The following NDUFS1 variants were observed in gnomAD, a reference collection of about 807,000 sequenced individuals.
The protein encoded by NDUFS1 is NADH-ubiquinone oxidoreductase 75 kDa subunit, mitochondrial.
A neutral mutation model predicts 84.4 loss-of-function variants in NDUFS1; 61 were observed. That is an observed-to-expected ratio of 0.72 (90% confidence interval 0.59 to 0.89). The LOEUF (loss-of-function observed/expected upper bound fraction) is 0.89, where lower values mean the gene tolerates loss of function less well. Ranked by LOEUF, NDUFS1 falls within the 40% of genes least tolerant of loss-of-function variation. The pLI is 0.00. For synonymous variants in NDUFS1, 275 were observed against 290.0 expected, an observed-to-expected ratio of 0.95 and a Z score of 0.53; for missense variants, 891 against 890.0, an observed-to-expected ratio of 1.00 and a Z score of -0.01.
chr2:206,147,676 G>A lies in NDUFS1; in HGVS notation c.421-15C>T, dbSNP rs1692211531. On this transcript the variant is annotated splice_polypyrimidine_tract_variant and intron_variant, in intron 6 of 18. Transcript: ENST00000233190. Reference sequence around the variant, plus strand: ...ATGGACTGGTCCTTAAGTAGATTATGAAAGAGTCAATCTCATGCTGCTAAT... The same window carrying A: ...ATGGACTGGTCCTTAAGTAGATTATAAAAGAGTCAATCTCATGCTGCTAAT... 3 of 1,613,920 alleles carry A rather than the reference G, an allele frequency of 1.9e-6. No homozygotes were observed. The highest frequency in any genetic ancestry group is 1.3e-5 in the African/African-American group (1 of 74,880).
intron 1 of NDUFS1, among the ~76,000 whole-genome samples, chr2:206,158,775 G>A (rs963255057): frequency 1.4e-4 from 21 of 152,188 alleles, no homozygotes; most frequent in African/African-American, 4.8e-5. Context: ...TTTGTTATTT[G>A]CAATGCAATC....
intron 7 of NDUFS1, 93 bp downstream of exon 7, chr2:206,147,438 G>C: frequency 7.7e-7 from 1 of 1,294,090 alleles, no homozygotes; most frequent in East Asian, 2.5e-5. Context: ...CCCAAAAAAA[G>C]TAGCCATTCT....
intron 1 of NDUFS1, among the ~76,000 whole-genome samples, chr2:206,156,171 G>C (rs1003716151): frequency 7.3e-5 from 11 of 150,616 alleles, no homozygotes; most frequent in Non-Finnish European, 1.6e-4. Flanking sequence ...GCTGAGGCAG[G>C]AGAATGGCGT....
At chr2:206,143,328 T>G (rs1182958099) in intron 10 of NDUFS1, among the ~76,000 whole-genome samples, 1 of 152,204 alleles carries the variant, frequency 6.6e-6, no homozygotes, top group African/African-American at 2.4e-5. Context: ...AGGTGTTATG[T>G]GGGGCCACAG....
chr2:206,144,037 A>G lies in NDUFS1; in HGVS notation c.968T>C (p.Leu323Pro). ...TTTTACCATTCCAGCTACGCGAGAG[A>G]GCGCATCCTCCCAAGAAGTATAGGT... Reference protein sequence around the residue: ...LLTYTSWEDALSRVAGMLQSF... With the variant: ...LLTYTSWEDAPSRVAGMLQSF... Residue 323 changes from leucine (L) to proline (P), a missense_variant, in exon 10 of 19, where the codon CTC becomes CCC. Coordinates refer to ENST00000233190, the MANE Select transcript of NDUFS1 (RefSeq NM_005006.7). 1 of 1,611,958 alleles carries G rather than the reference A, an allele frequency of 6.2e-7. No homozygotes were observed. Among genetic ancestry groups the G allele is most frequent in the South Asian group, 1.1e-5 (1 of 91,042 alleles).
chr2:206,153,196 C>CTTT (rs770646674), intron 2 of NDUFS1, among the ~76,000 whole-genome samples: 1 of 138,008 alleles, frequency 7.2e-6, no homozygotes, highest in Non-Finnish European at 1.6e-5. Flanking sequence ...TTTGTTTCTT[C>CTTT]TTTTTTTTTT....
At chr2:206,127,485 T>C (rs1390820746) in intron 16 of NDUFS1, 1 of 278,700 alleles carries the variant, frequency 3.6e-6, no homozygotes, top group Non-Finnish European at 7.0e-6. Flanking sequence ...GCCACTGCAC[T>C]CCAGCCTGGG....
At chr2:206,144,193 G>T in intron 9 of NDUFS1, 61 bp from the exon 10 acceptor site, 2 of 1,273,854 alleles carry the variant, frequency 1.6e-6, no homozygotes, top group Non-Finnish European at 2.3e-6. Context: ...TAATTTTCAA[G>T]TTAAATCAAC....
intron 11 of NDUFS1, among the ~76,000 whole-genome samples, chr2:206,142,452 CG>C (rs1559055552): frequency 6.6e-6 from 1 of 152,180 alleles, no homozygotes; most frequent in African/African-American, 2.4e-5. Flanking sequence ...TGCACTTAGG[CG>C]ATCTGCCTGC....
At chr2:206,134,325 A>T (rs1296664148) in intron 13 of NDUFS1, among the ~76,000 whole-genome samples, 1 of 152,198 alleles carries the variant, frequency 6.6e-6, no homozygotes, top group Admixed American at 6.5e-5. Flanking sequence ...AATAAATACC[A>T]TTCCAGAAAC....
At chr2:206,129,564 C>G (rs892133281) in intron 15 of NDUFS1, among the ~76,000 whole-genome samples, 1 of 151,498 alleles carries the variant, frequency 6.6e-6, no homozygotes, top group African/African-American at 2.4e-5. Flanking sequence ...ACCCAAGGAA[C>G]AGGATTTAGT....
In NDUFS1 at chr2:206,138,560, A is replaced by T. The variant is rs774818396; in HGVS notation, c.1317T>A (p.Thr439=). The change falls in exon 13 of 19, where the codon ACT becomes ACA. Residue 439 remains threonine (T), a synonymous_variant. Coordinates refer to ENST00000233190, the MANE Select transcript of NDUFS1 (RefSeq NM_005006.7). ...AGTCTCCCAGGTGGTCATATGTGTA[A>T]GTGAGGTCCACTGGACTGCCTATAA... ...VALIGSPVDL[T]YTYDHLGDSP... 1 of 1,613,790 alleles carries T rather than the reference A, an allele frequency of 6.2e-7. No individual in the cohort carries two copies. Among genetic ancestry groups the T allele is most frequent in the African/African-American group, 1.3e-5 (1 of 74,916 alleles).
At chr2:206,154,911 C>T (rs928465458) in intron 1 of NDUFS1, among the ~76,000 whole-genome samples, 3 of 147,648 alleles carry the variant, frequency 2.0e-5, no homozygotes, top group Non-Finnish European at 3.0e-5. Flanking sequence ...CGTGAGCCAC[C>T]GTGCCCGGCC....
Position 206,124,009 on chromosome 2 carries a change from T to G in NDUFS1, c.*176A>C. ...AACCTTTACACACAATACATGTTTTTCAAACTGCAAAGTTGATAACTAATA... is the reference window on the plus strand; with the variant it reads ...AACCTTTACACACAATACATGTTTTGCAAACTGCAAAGTTGATAACTAATA... On this transcript the variant is annotated 3_prime_UTR_variant, in exon 19 of 19. Transcript: ENST00000233190. 1.7e-6 allele frequency: 1 copy of G among 593,160 alleles called. No homozygotes were observed. Among genetic ancestry groups the G allele is most frequent in the Non-Finnish European group, 3.0e-6 (1 of 337,168 alleles). The allele number at this position is 593,160 out of a possible 1,614,324, so 36.7% of individuals were successfully genotyped here.
chr2:206,144,247 T>A, intron 9 of NDUFS1, 115 bp from the exon 10 acceptor site: 1 of 754,202 alleles, frequency 1.3e-6, no homozygotes, highest in Admixed American at 2.1e-5. Context: ...GTGTCAAATA[T>A]CTAAACACCT....
At chr2:206,136,824 T>C (rs1575964382) in intron 13 of NDUFS1, among the ~76,000 whole-genome samples, 1 of 151,826 alleles carries the variant, frequency 6.6e-6, no homozygotes, top group African/African-American at 2.4e-5. Flanking sequence ...GGTGCAATCT[T>C]GGCTCACCAC....
Position 206,142,824 on chromosome 2 carries a change from C to T in NDUFS1, c.995G>A (p.Ser332Asn). The T allele has an allele frequency of 6.2e-7, 1 of 1,614,174 alleles. No individual in the cohort carries two copies. The change falls in exon 11 of 19, where the codon AGT becomes AAT. Residue 332 changes from serine to asparagine, a missense_variant. Coordinates refer to ENST00000233190, the MANE Select transcript of NDUFS1 (RefSeq NM_005006.7). ...TGCTGCCACATCTTTGCCTTGAAAA[C>T]TCTGCAACTAGAAACAGATGAAAAG... The part of the protein sequence containing the change: ...ALSRVAGMLQ[S>N]FQGKDVAAIA...
chr2:206,158,032 C>T (rs988372282), intron 1 of NDUFS1, among the ~76,000 whole-genome samples: 11 of 149,768 alleles, frequency 7.3e-5, no homozygotes, highest in African/African-American at 2.7e-4. Flanking sequence ...GGAGCGATCT[C>T]GGCTCACTGC....
At chr2:206,137,151 C>A (rs1691748455) in intron 13 of NDUFS1, among the ~76,000 whole-genome samples, 1 of 152,090 alleles carries the variant, frequency 6.6e-6, no homozygotes, top group South Asian at 2.1e-4. Context: ...GTCCTATAGT[C>A]TTATAGTGAT....
Sources: gnomAD v4.1 joint callset for allele counts (sites outside exome capture counted in the v4.1 genomes callset) on GRCh38, gnomAD v4.1.1 for gene constraint, MANE v1.5 for transcripts, NCBI Gene and HGNC (gene_info 2026-07-23, HGNC 2026-07-21) for gene names.